The following ABR variants were observed in gnomAD, a reference collection of about 807,000 sequenced individuals.
ABR encodes the protein active breakpoint cluster region-related protein.
ABR carries 35 observed loss-of-function variants against 107.2 expected under a neutral mutation model. The ratio of observed to expected loss-of-function variants is 0.33; its 90% CI spans 0.25 to 0.43. ABR has a LOEUF of 0.43. Among genes scored for constraint, ABR ranks in the 20% least tolerant of loss-of-function variants. ABR has a pLI of 1.00. For missense variants in ABR, 815 were observed against 1,115.2 expected (o/e 0.73, Z 3.83); for synonymous variants, 498 against 462.0 (o/e 1.08, Z -1.00).
chr17:1,007,695 G>C (rs142880197), intron 21 of ABR, among the ~76,000 whole-genome samples: 1 of 152,344 alleles, frequency 6.6e-6, no homozygotes, highest in Non-Finnish European at 1.5e-5. Context: ...CACCCCCATC[G>C]TGTAGATGAA....
At chr17:1,132,790 A>G (rs1049667749) in intron 1 of ABR, among the ~76,000 whole-genome samples, 17 of 152,256 alleles carry the variant, frequency 1.1e-4, no homozygotes, top group African/African-American at 4.1e-4. Flanking sequence ...AAATGCATTA[A>G]AAAGAATGTT....
chr17:1,055,857 T>G, intron 14 of ABR, 178 bp downstream of exon 14: 1 of 591,744 alleles, frequency 1.7e-6, no homozygotes. Context: ...AGGGAGGGCT[T>G]GAGAAAGAGG....
At chr17:1,165,352 C>A (rs972543719) in intron 1 of ABR, among the ~76,000 whole-genome samples, 4 of 152,200 alleles carry the variant, frequency 2.6e-5, no homozygotes, top group African/African-American at 9.6e-5. Flanking sequence ...GGTGGATGGC[C>A]GGGAGGAGGT....
chr17:1,179,792 G>C lies in ABR; in HGVS notation c.-65C>G. 3.2e-6 allele frequency: 4 copies of C among 1,247,540 alleles called. 1 individual carries two copies. The highest frequency in any genetic ancestry group is 4.3e-6 in the Non-Finnish European group (4 of 937,786). The allele number at this position is 1,247,540 out of a possible 1,614,324, so 77.3% of individuals were successfully genotyped here. ...CATCGCGCAACAAAGGAGGGAGAGC[G>C]GGCGGGAGCCGGGGGAGGCCGAAGT... On this transcript the variant is annotated 5_prime_UTR_variant, in exon 1 of 23. Transcript: ENST00000302538. The surrounding 1 kb of genome is among the most constrained non-coding windows in gnomAD (Gnocchi z 4.9).
intron 2 of ABR, chr17:1,108,898 G>C (rs529121139): frequency 1.5e-5 from 23 of 1,538,496 alleles, no homozygotes; most frequent in Middle Eastern, 1.7e-4. Context: ...CGCCGGCCCG[G>C]CCCCCCCCAG....
rs2035217980 is a variant in ABR, at chr17:1,071,296, C to G, written c.895-1206G>C. On this transcript the variant is annotated intron_variant, in intron 8 of 22. Transcript: ENST00000302538. The surrounding 1 kb of genome is among the most constrained non-coding windows in gnomAD (Gnocchi z 5.1). ...CCAGGAGCCGCACGGAATCGGCTCT[C>G]TCTGCCCAGTGGACACTGTCCAGGC... Among the ~76,000 whole-genome samples, 1 of 152,216 alleles carries G rather than the reference C, an allele frequency of 6.6e-6. No individual in the cohort carries two copies. The highest frequency in any genetic ancestry group is 2.4e-5 in the African/African-American group (1 of 41,460).
intron 16 of ABR, among the ~76,000 whole-genome samples, chr17:1,014,161 G>A (rs2070915070): frequency 6.6e-6 from 1 of 152,222 alleles, no homozygotes; most frequent in African/African-American, 2.4e-5. Context: ...ACTACACGAG[G>A]CCAGGCGTGG....
chr17:1,013,538 G>A (rs1175458137), intron 16 of ABR, among the ~76,000 whole-genome samples: 1 of 152,226 alleles, frequency 6.6e-6, no homozygotes, highest in Non-Finnish European at 1.5e-5. Flanking sequence ...CACAGATGCA[G>A]AAACTGAGGC....
At chr17:1,139,115 C>G (rs200060913) in intron 1 of ABR, among the ~76,000 whole-genome samples, 2 of 152,078 alleles carry the variant, frequency 1.3e-5, no homozygotes, top group Admixed American at 1.3e-4. Flanking sequence ...ATTTCTCTTT[C>G]TTTTTTCCTT....
intron 1 of ABR, among the ~76,000 whole-genome samples, chr17:1,195,304 C>CAAAAAAAA (rs564020208): frequency 4.6e-5 from 4 of 87,632 alleles, no homozygotes; most frequent in Admixed American, 3.0e-4. Flanking sequence ...GAGACTGTCT[C>CAAAAAAAA]AAAAAAAAAA....
At chr17:1,108,051 C>T (rs1016179362) in intron 2 of ABR, among the ~76,000 whole-genome samples, 6 of 152,182 alleles carry the variant, frequency 3.9e-5, no homozygotes, top group African/African-American at 1.2e-4. Flanking sequence ...TAGGCCCCGC[C>T]GATGGGCACT....
At chr17:1,123,265 C>T (rs750098436) in intron 2 of ABR, among the ~76,000 whole-genome samples, 4 of 152,172 alleles carry the variant, frequency 2.6e-5, no homozygotes, top group African/African-American at 7.2e-5. Flanking sequence ...TCCTGCCTTG[C>T]GTGGCTTCTA....
At chr17:1,137,567 T>C (rs951919093) in intron 1 of ABR, among the ~76,000 whole-genome samples, 1 of 152,140 alleles carries the variant, frequency 6.6e-6, no homozygotes, top group Admixed American at 6.5e-5. Flanking sequence ...CCCAAAACAA[T>C]GACAATGCTA....
At chr17:1,075,899 A>G (rs551628228) in intron 6 of ABR, among the ~76,000 whole-genome samples, 4 of 152,112 alleles carry the variant, frequency 2.6e-5, no homozygotes, top group Non-Finnish European at 4.4e-5. Flanking sequence ...AAAATTAGCC[A>G]GGTGTGGTGG....
intron 16 of ABR, among the ~76,000 whole-genome samples, chr17:1,018,320 G>A (rs970418165): frequency 2.6e-5 from 4 of 152,220 alleles, no homozygotes; most frequent in East Asian, 1.9e-4. Context: ...GGGATTACGG[G>A]CGTGAGCCAC....
chr17:1,169,479 G>C lies in ABR; in HGVS notation c.61+10188C>G, dbSNP rs532702239. On this transcript the variant is annotated intron_variant, in intron 1 of 22. Transcript: ENST00000302538. ...CTGTGTCAGGGGTTACCTTTCATCT[G>C]GCCAGAATCCAGAGCTACAGAAGGG... 2.0e-5 allele frequency among the ~76,000 whole-genome samples: 3 copies of C among 152,312 alleles called. No homozygotes were observed. The East Asian group carries it at 5.8e-4, about 29-fold the overall frequency.
chr17:1,070,004 G>A lies in ABR; in HGVS notation c.981C>T (p.Val327=). 3 of 1,613,242 alleles carry A rather than the reference G, an allele frequency of 1.9e-6. No individual in the cohort carries two copies. Among genetic ancestry groups the A allele is most frequent in the Non-Finnish European group, 2.5e-6 (3 of 1,179,838 alleles). Residue 327 remains valine (V), a synonymous_variant, in exon 9 of 23, where the codon GTC becomes GTT. Transcript: ENST00000302538. This position sits in a 1 kb window ranked among gnomAD's most constrained non-coding sequence, Gnocchi z 4.2. ...KLRHVFLFTD[V]LLCAKLKKTS... ...TCTTCTTCAGCTTGGCACACAGTAG[G>A]ACATCTGTAAAGAGGAAGACGTGCC...
chr17:1,201,334 G>A (rs1406838059), intron 1 of ABR, among the ~76,000 whole-genome samples: 8 of 152,096 alleles, frequency 5.3e-5, no homozygotes, highest in South Asian at 4.2e-4. Context: ...CAGTAATGAC[G>A]GTAAGTGCTT....
Position 1,078,679 on chromosome 17 carries a change from G to T in ABR, c.700+651C>A, listed in dbSNP as rs1430276712. The stretch of plus-strand genomic sequence containing the variant: ...GGCTGGATGCCGCCAAAACGAAGGG[G>T]GAATTCAGGTCCAGCCGCTCGCCCA... On this transcript the variant is annotated intron_variant, in intron 6 of 22. Coordinates refer to ENST00000302538, the MANE Select transcript of ABR (RefSeq NM_021962.5). The surrounding 1 kb of genome is among the most constrained non-coding windows in gnomAD (Gnocchi z 7.5). The T allele has an allele frequency of 3.3e-6, 3 of 914,698 alleles. No individual in the cohort carries two copies. The highest frequency in any genetic ancestry group is 4.9e-6 in the Non-Finnish European group (3 of 613,522). 56.7% of individuals were successfully genotyped at this position (914,698 alleles called of 1,614,324 possible).
Sources: gnomAD v4.1 joint callset for allele counts (sites outside exome capture counted in the v4.1 genomes callset) on GRCh38, gnomAD v4.1.1 for gene constraint, Gnocchi (gnomAD v3.1) non-coding constraint, MANE v1.5 for transcripts, NCBI Gene and HGNC (gene_info 2026-07-23, HGNC 2026-07-21) for gene names.